CNTNAP5: variants seen among roughly 807,000 people sequenced by gnomAD.
CNTNAP5 encodes contactin associated protein family member 5, also known as contactin-associated protein-like 5.
Under a neutral mutation model 150.2 loss-of-function variants are expected in CNTNAP5, and 72 were observed. The ratio of observed to expected loss-of-function variants is 0.48; its 90% CI spans 0.40 to 0.58. CNTNAP5 has a LOEUF of 0.58. Among genes scored for constraint, CNTNAP5 ranks in the 20% least tolerant of loss-of-function variants. The pLI is 0.00. For synonymous variants in CNTNAP5, 672 were observed against 619.8 expected (o/e 1.08, Z -1.25); for missense variants, 1,636 against 1,626.2 (o/e 1.01, Z -0.10).
intron 1 of CNTNAP5, among the ~76,000 whole-genome samples, chr2:124,192,871 C>T (rs12987836): frequency 0.19 from 29,112 of 152,094 alleles, 2,946 homozygotes; most frequent in Non-Finnish European, 0.22. Context: ...AATAGGACTG[C>T]CATCAAAATT....
chr2:124,800,948 T>A (rs1204595365), intron 19 of CNTNAP5, among the ~76,000 whole-genome samples: 1 of 152,136 alleles, frequency 6.6e-6, no homozygotes, highest in Non-Finnish European at 1.5e-5. Context: ...ATATATTTTA[T>A]ATATTTTAGT....
At chr2:124,369,603 C>A (rs1384847925) in intron 3 of CNTNAP5, among the ~76,000 whole-genome samples, 1 of 152,048 alleles carries the variant, frequency 6.6e-6, no homozygotes, top group East Asian at 1.9e-4. Context: ...AGTGTTATAA[C>A]CTGTCAAATT....
intron 2 of CNTNAP5, among the ~76,000 whole-genome samples, chr2:124,232,534 A>G (rs1686650086): frequency 6.6e-6 from 1 of 152,140 alleles, no homozygotes; most frequent in Non-Finnish European, 1.5e-5. Flanking sequence ...GAAACAGAAA[A>G]TGGGAGTTAA....
At chr2:124,365,388 T>C (rs1230460385) in intron 3 of CNTNAP5, among the ~76,000 whole-genome samples, 1 of 151,996 alleles carries the variant, frequency 6.6e-6, no homozygotes, top group Non-Finnish European at 1.5e-5. Flanking sequence ...TTGCATATAC[T>C]TTGCCATTTC....
chr2:124,076,331 C>G (rs1003714083), intron 1 of CNTNAP5, among the ~76,000 whole-genome samples: 1 of 152,140 alleles, frequency 6.6e-6, no homozygotes, highest in Non-Finnish European at 1.5e-5. Context: ...TCTCCAGCTT[C>G]TCAAATTTCT....
chr2:124,685,814 T>G (rs1679183562), intron 13 of CNTNAP5, among the ~76,000 whole-genome samples: 1 of 151,822 alleles, frequency 6.6e-6, no homozygotes. Flanking sequence ...GAATGGCACA[T>G]AAGCTAAAAT....
chr2:124,329,290 T>C (rs1320574379), intron 3 of CNTNAP5, among the ~76,000 whole-genome samples: 1 of 152,192 alleles, frequency 6.6e-6, no homozygotes, highest in Non-Finnish European at 1.5e-5. Flanking sequence ...AGTTCTTTCT[T>C]TTCTCAGGTG....
intron 12 of CNTNAP5, among the ~76,000 whole-genome samples, chr2:124,636,634 T>C (rs749089294): frequency 6.6e-6 from 1 of 151,268 alleles, no homozygotes; most frequent in Admixed American, 6.6e-5. Context: ...CAATTACTCC[T>C]TAACTCTGTG....
chr2:124,911,234 T>C (rs1046129155), intron 22 of CNTNAP5, among the ~76,000 whole-genome samples: 1 of 151,988 alleles, frequency 6.6e-6, no homozygotes, highest in Non-Finnish European at 1.5e-5. Flanking sequence ...ACCCCTTATC[T>C]TACAATTTGC....
rs927947086 is a variant in CNTNAP5, at chr2:124,896,536, TC to T, written c.3437-6345del. 5.3e-5 allele frequency among the ~76,000 whole-genome samples: 8 copies of T among 149,614 alleles called. No homozygotes were observed. The South Asian group carries it at 1.5e-3, about 27-fold the overall frequency. On this transcript the variant is annotated intron_variant, in intron 21 of 23. Coordinates refer to ENST00000682447, the MANE Select transcript of CNTNAP5 (RefSeq NM_001367498.1). ...CAAAATGCCTTAGGAATATGGAAGT[TC>T]TTTTTTTTTTGGTTTCTTTTGAGAC... is the stretch of plus-strand genomic sequence containing the variant.
chr2:124,078,443 G>T (rs1275560271), intron 1 of CNTNAP5, among the ~76,000 whole-genome samples: 1 of 152,086 alleles, frequency 6.6e-6, no homozygotes, highest in Non-Finnish European at 1.5e-5. Flanking sequence ...CCTAGTTGCT[G>T]GTACCTATGG....
At chr2:124,358,337 T>C (rs1690083508) in intron 3 of CNTNAP5, among the ~76,000 whole-genome samples, 1 of 152,166 alleles carries the variant, frequency 6.6e-6, no homozygotes. Flanking sequence ...CTTCCAACAC[T>C]ACGTTGAATA....
chr2:124,121,500 A>T (rs1052560027), intron 1 of CNTNAP5, among the ~76,000 whole-genome samples: 1 of 152,184 alleles, frequency 6.6e-6, no homozygotes, highest in South Asian at 2.1e-4. Context: ...ACTGCTGTGC[A>T]TGATTGGTGT....
chr2:124,568,633 T>C (rs1164743094), intron 11 of CNTNAP5, among the ~76,000 whole-genome samples: 1 of 152,262 alleles, frequency 6.6e-6, no homozygotes, highest in African/African-American at 2.4e-5. Flanking sequence ...TTTGTTTCTA[T>C]ATTCAACCAT....
rs1363155391 is a variant in CNTNAP5, at chr2:124,588,103, C to CTTCCCTCCTT, written c.1757-21694_1757-21693insCTCCTTTTCC. The stretch of plus-strand genomic sequence containing the variant: ...TTCTCTTTCTTTCTTTCTTTTCTTC[C>CTTCCCTCCTT]TTCCTTCCCTCCTTTTCCTTCCTTC... On this transcript the variant is annotated intron_variant, in intron 11 of 23. Transcript: ENST00000682447. Among the ~76,000 whole-genome samples the CTTCCCTCCTT allele has an allele frequency of 8.0e-4, 34 of 42,380 alleles. 4 individuals carry two copies. Among genetic ancestry groups the CTTCCCTCCTT allele is most frequent in the African/African-American group, 2.9e-3 (32 of 11,216 alleles). 27.8% of individuals were successfully genotyped at this position (42,380 alleles called of 152,430 possible). A position where few individuals can be genotyped will look rare whatever the true frequency, so the allele number is the denominator to read the frequency against.
chr2:124,552,125 A>T (rs1224552253), intron 10 of CNTNAP5, among the ~76,000 whole-genome samples: 1 of 152,196 alleles, frequency 6.6e-6, no homozygotes, highest in Non-Finnish European at 1.5e-5. Context: ...ATGAATGGTG[A>T]TCATGAGGAG....
chr2:124,108,292 A>C (rs1683212037), intron 1 of CNTNAP5, among the ~76,000 whole-genome samples: 1 of 152,168 alleles, frequency 6.6e-6, no homozygotes, highest in African/African-American at 2.4e-5. Flanking sequence ...ATGAGCAATG[A>C]TTAAATTAAT....
chr2:124,334,460 C>T (rs1052005262), intron 3 of CNTNAP5, among the ~76,000 whole-genome samples: 11 of 152,092 alleles, frequency 7.2e-5, no homozygotes, highest in African/African-American at 2.7e-4. Context: ...ACAGAGGAAA[C>T]AGTGCATATG....
At chr2:124,295,349 C>G (rs1303815744) in intron 3 of CNTNAP5, among the ~76,000 whole-genome samples, 1 of 152,174 alleles carries the variant, frequency 6.6e-6, no homozygotes, top group East Asian at 1.9e-4. Context: ...AGAGGCCTAC[C>G]AGGTAGATAC....
Sources: allele counts gnomAD v4.1 joint callset (sites outside exome capture counted in the v4.1 genomes callset), GRCh38; gene constraint gnomAD v4.1.1; transcripts MANE v1.5; gene names NCBI Gene and HGNC (gene_info 2026-07-23, HGNC 2026-07-21).